The following SNTG1 variants were observed in gnomAD, a reference collection of about 807,000 sequenced individuals.
SNTG1 encodes the protein syntrophin gamma 1, also known as gamma-1-syntrophin.
In SNTG1, 39 loss-of-function variants were observed where a neutral mutation model predicts 74.7. That is an observed-to-expected ratio of 0.52 (90% CI 0.40 to 0.68). The LOEUF is 0.68. Among genes scored for constraint, SNTG1 ranks in the 30% least tolerant of loss-of-function variants. The probability of loss-of-function intolerance (pLI) is 0.00; values close to 1 mark genes in which losing one functional copy is unlikely to be tolerated. For missense variants in SNTG1, 685 were observed against 609.5 expected, an observed-to-expected ratio of 1.12 and a Z score of -1.30; for synonymous variants, 254 against 217.1, an observed-to-expected ratio of 1.17 and a Z score of -1.49.
intron 1 of SNTG1, among the ~76,000 whole-genome samples, chr8:50,169,088 C>G (rs1432326356): frequency 6.6e-6 from 1 of 152,120 alleles, no homozygotes; most frequent in East Asian, 1.9e-4. Context: ...TTTTAAAACA[C>G]TTATTTTCTT....
At chr8:50,289,618 G>C (rs1202673400) in intron 2 of SNTG1, among the ~76,000 whole-genome samples, 1 of 152,160 alleles carries the variant, frequency 6.6e-6, no homozygotes, top group African/African-American at 2.4e-5. Context: ...GTAGAAGCTA[G>C]AATGTAAATG....
At chr8:50,733,228 C>T (rs1181008277) in intron 17 of SNTG1, among the ~76,000 whole-genome samples, 1 of 152,020 alleles carries the variant, frequency 6.6e-6, no homozygotes, top group East Asian at 1.9e-4. Flanking sequence ...TTATGGCCTC[C>T]ATCTCTATCC....
intron 2 of SNTG1, among the ~76,000 whole-genome samples, chr8:50,379,105 C>T (rs946579824): frequency 6.6e-6 from 1 of 152,184 alleles, no homozygotes; most frequent in South Asian, 2.1e-4. Flanking sequence ...GCCCTCAACC[C>T]CACCTCAGCT....
chr8:50,488,688 A>G (rs991958493), intron 8 of SNTG1, among the ~76,000 whole-genome samples: 1 of 152,176 alleles, frequency 6.6e-6, no homozygotes, highest in South Asian at 2.1e-4. Context: ...ACAGCAAGCC[A>G]TGTTATTGAC....
rs78824992 is a variant in SNTG1 at position 49,998,694 on chromosome 8, C to A, written c.-103+86463C>A. ...TCTTCTGCCTCCACATCTTGTCCCC[C>A]TGGAAGGTCTTCAGGGACAATAACA... On this transcript the variant is annotated intron_variant, in intron 1 of 18. Transcript: ENST00000642720. Among the ~76,000 whole-genome samples the A allele has an allele frequency of 8.0e-3, 1,221 of 151,982 alleles. 18 individuals are homozygous for A. The highest frequency in any genetic ancestry group is 0.028 in the African/African-American group (1,168 of 41,420).
At chr8:50,525,995 C>T (rs2094216651) in intron 9 of SNTG1, among the ~76,000 whole-genome samples, 1 of 152,010 alleles carries the variant, frequency 6.6e-6, no homozygotes, top group Non-Finnish European at 1.5e-5. Flanking sequence ...AAGAACTTCA[C>T]CAATCAGCCT....
At chr8:50,737,222 G>A (rs564605900) in intron 17 of SNTG1, among the ~76,000 whole-genome samples, 14 of 151,762 alleles carry the variant, frequency 9.2e-5, no homozygotes, top group East Asian at 5.8e-4. Context: ...AACAATAAAG[G>A]GCATATTACC....
chr8:50,650,685 A>G (rs1585959456), intron 13 of SNTG1, among the ~76,000 whole-genome samples: 1 of 152,208 alleles, frequency 6.6e-6, no homozygotes, highest in South Asian at 2.1e-4. Context: ...AAGAATTAAT[A>G]TATTTCATTT....
chr8:50,480,099 C>A (rs2093727734), intron 8 of SNTG1, among the ~76,000 whole-genome samples: 1 of 152,048 alleles, frequency 6.6e-6, no homozygotes, highest in South Asian at 2.1e-4. Context: ...ATAATACTTA[C>A]AATTTTAAAA....
chr8:50,035,063 T>C (rs1818037476), intron 1 of SNTG1, among the ~76,000 whole-genome samples: 1 of 152,210 alleles, frequency 6.6e-6, no homozygotes, highest in Non-Finnish European at 1.5e-5. Flanking sequence ...TGTCACTTTG[T>C]TCTTTCCTAC....
intron 13 of SNTG1, among the ~76,000 whole-genome samples, chr8:50,642,481 T>C (rs1483976505): frequency 2.0e-5 from 3 of 152,184 alleles, no homozygotes; most frequent in African/African-American, 7.2e-5. Flanking sequence ...TGAAGGCACA[T>C]TCCATTTTAT....
At chr8:50,149,043 C>T (rs1484158760) in intron 1 of SNTG1, among the ~76,000 whole-genome samples, 2 of 152,202 alleles carry the variant, frequency 1.3e-5, no homozygotes, top group Non-Finnish European at 2.9e-5. Flanking sequence ...TATTTCTCCA[C>T]ATCCTCTCCA....
intron 2 of SNTG1, among the ~76,000 whole-genome samples, chr8:50,350,929 C>G (rs531442576): frequency 1.3e-5 from 2 of 152,206 alleles, no homozygotes; most frequent in African/African-American, 2.4e-5. Flanking sequence ...AGTGGCAACC[C>G]GTAGGTCCCC....
Position 50,449,646 on chromosome 8 carries a change from A to G in SNTG1, c.220-22A>G, listed in dbSNP as rs191591429. 104 of 1,573,528 alleles carry G rather than the reference A, an allele frequency of 6.6e-5. 1 individual carries two copies. The Admixed American group carries it at 1.8e-3, about 28-fold the overall frequency. The stretch of plus-strand genomic sequence containing the variant: ...CATTTTTTTTAGATTAAAAAGTACA[A>G]TATATGATTTTCTCTTTTCAGGGAG... On this transcript the variant is annotated intron_variant, in intron 5 of 18. Transcript: ENST00000642720.
At chr8:50,524,751 G>A (rs560759248) in intron 9 of SNTG1, among the ~76,000 whole-genome samples, 8 of 152,232 alleles carry the variant, frequency 5.3e-5, no homozygotes, top group African/African-American at 9.6e-5. Flanking sequence ...ACTGAAGGAT[G>A]TGCATAGGCT....
At chr8:49,939,248 C>T (rs915530079) in intron 1 of SNTG1, among the ~76,000 whole-genome samples, 5 of 152,150 alleles carry the variant, frequency 3.3e-5, no homozygotes, top group African/African-American at 9.7e-5. Flanking sequence ...GGTATAAATT[C>T]ATATGTTGGC....
chr8:50,585,858 T>A (rs2094644911), intron 12 of SNTG1, among the ~76,000 whole-genome samples: 1 of 152,180 alleles, frequency 6.6e-6, no homozygotes, highest in Non-Finnish European at 1.5e-5. Flanking sequence ...AGTAAGTATT[T>A]TTCAAAGCAA....
At chr8:50,017,877 AAAACAG>A (rs1407816609) in intron 1 of SNTG1, among the ~76,000 whole-genome samples, 1 of 152,064 alleles carries the variant, frequency 6.6e-6, no homozygotes, top group African/African-American at 2.4e-5. Flanking sequence ...GATAAAAAAG[AAAACAG>A]AAGACTTGAA....
intron 8 of SNTG1, among the ~76,000 whole-genome samples, chr8:50,478,457 A>C (rs758168612): frequency 2.0e-5 from 3 of 152,178 alleles, no homozygotes; most frequent in Non-Finnish European, 2.9e-5. Context: ...TCTTGTTCCC[A>C]AAATTCCCAG....
Sources: allele counts gnomAD v4.1 joint callset (sites outside exome capture counted in the v4.1 genomes callset), GRCh38; gene constraint gnomAD v4.1.1; transcripts MANE v1.5; gene names NCBI Gene and HGNC (gene_info 2026-07-23, HGNC 2026-07-21).